Variants in GALNT13 observed in about 807,000 individuals in gnomAD.
The protein encoded by GALNT13 is UDP-GalNAc:polypeptide N-acetylgalactosaminyltransferase 13.
Under a neutral mutation model 64.2 loss-of-function variants are expected in GALNT13, and 28 were observed. That is an observed-to-expected ratio of 0.44 (90% CI 0.32 to 0.60). The LOEUF is 0.60. GALNT13 is among the 20% of genes least tolerant of loss of function. The pLI, the probability that GALNT13 is intolerant of heterozygous loss-of-function variation, is 0.05. For missense variants in GALNT13, 577 were observed against 669.8 expected (o/e 0.86, Z 1.53); for synonymous variants, 214 against 224.6 (o/e 0.95, Z 0.42).
chr2:153,331,474 G>T, the GALNT13 span, among the ~76,000 whole-genome samples: 1 of 152,018 alleles, frequency 6.6e-6, no homozygotes, highest in Non-Finnish European at 1.5e-5. Context: ...ATGATCACAA[G>T]GTTCCACAAT....
chr2:154,082,450 A>G (rs1330858752), intron 3 of GALNT13, among the ~76,000 whole-genome samples: 1 of 151,652 alleles, frequency 6.6e-6, no homozygotes, highest in Non-Finnish European at 1.5e-5. Context: ...TAGTGCTCCT[A>G]CTTTCTGAGT....
the GALNT13 span, among the ~76,000 whole-genome samples, chr2:153,829,278 A>G: frequency 1.3e-5 from 2 of 151,904 alleles, no homozygotes; most frequent in South Asian, 2.1e-4. Flanking sequence ...CTTTTTTCAC[A>G]CTGTGGATAA....
rs397872685 is a variant in GALNT13 at position 154,216,802 on chromosome 2, C to CTTT, written c.312-25205_312-25203dup. Among the ~76,000 whole-genome samples the CTTT allele has an allele frequency of 7.8e-3, 555 of 71,262 alleles. 3 individuals are homozygous for CTTT. The highest frequency in any genetic ancestry group is 0.021 in the East Asian group (39 of 1,866). 46.8% of individuals were successfully genotyped at this position (71,262 alleles called of 152,430 possible). A position where few individuals can be genotyped will look rare whatever the true frequency, so the allele number is the denominator to read the frequency against. On this transcript the variant is annotated intron_variant, in intron 4 of 12. Coordinates refer to ENST00000392825, the MANE Select transcript of GALNT13 (RefSeq NM_052917.4). Reference sequence around the variant, plus strand: ...TTCATTTACTTTCATTTCTCTCTCTCTTTTTTTTTTTTTTTTTTTTTTTTT... The same window carrying CTTT: ...TTCATTTACTTTCATTTCTCTCTCTCTTTTTTTTTTTTTTTTTTTTTTTTTTTT...
At chr2:153,488,465 G>C in the GALNT13 span, among the ~76,000 whole-genome samples, 1 of 152,202 alleles carries the variant, frequency 6.6e-6, no homozygotes, top group Non-Finnish European at 1.5e-5. Flanking sequence ...TATTTTTCAG[G>C]CTGCTGAGTG....
intron 11 of GALNT13, among the ~76,000 whole-genome samples, chr2:154,432,258 T>A (rs799767): frequency 6.6e-6 from 1 of 152,088 alleles, no homozygotes; most frequent in Non-Finnish European, 1.5e-5. Flanking sequence ...TTGGAAAGTA[T>A]AACTGGATGT....
intron 9 of GALNT13, among the ~76,000 whole-genome samples, chr2:154,333,615 T>C (rs1182556090): frequency 6.6e-6 from 1 of 152,242 alleles, no homozygotes; most frequent in Non-Finnish European, 1.5e-5. Context: ...CCCTATTTTA[T>C]ATTAATTTTT....
At chr2:154,232,607 T>C (rs1352515394) in intron 4 of GALNT13, among the ~76,000 whole-genome samples, 1 of 152,158 alleles carries the variant, frequency 6.6e-6, no homozygotes, top group Non-Finnish European at 1.5e-5. Flanking sequence ...TCTGAACTAG[T>C]AAAACACTGT....
the GALNT13 span, among the ~76,000 whole-genome samples, chr2:153,442,096 C>T: frequency 1.3e-5 from 2 of 152,054 alleles, no homozygotes; most frequent in Non-Finnish European, 2.9e-5. Context: ...TCATAAATAG[C>T]TCTTATTATT....
chr2:153,827,895 A>G, the GALNT13 span, among the ~76,000 whole-genome samples: 3 of 152,222 alleles, frequency 2.0e-5, no homozygotes, highest in South Asian at 6.2e-4. Flanking sequence ...GTGTACAGGC[A>G]TTGGGTAAAT....
At chr2:153,296,902 T>A in the GALNT13 span, among the ~76,000 whole-genome samples, 665 of 152,308 alleles carry the variant, frequency 4.4e-3, 5 homozygotes, top group African/African-American at 0.014. Flanking sequence ...AACCAAGCAG[T>A]CATGATGTTT....
At chr2:153,173,843 C>T in the GALNT13 span, among the ~76,000 whole-genome samples, 1 of 152,082 alleles carries the variant, frequency 6.6e-6, no homozygotes, top group Non-Finnish European at 1.5e-5. Context: ...TATTATTTAT[C>T]CTGAGGAAAA....
Position 154,140,356 on chromosome 2 carries a change from A to G in GALNT13, c.162A>G (p.Gln54=), listed in dbSNP as rs756231917. ...TTACAGCTGTTATTTCAAGAAACCA[A>G]GAAGGGCCAGGAGAAATGGGAAAAG... ...PALRAVISRN[Q]EGPGEMGKAV... The change falls in exon 4 of 13, where the codon CAA becomes CAG. Residue 54 remains glutamine (Q), a synonymous_variant. Coordinates refer to ENST00000392825, the MANE Select transcript of GALNT13 (RefSeq NM_052917.4). 4.9e-5 allele frequency: 79 copies of G among 1,612,620 alleles called. No individual in the cohort carries two copies. Among genetic ancestry groups the G allele is most frequent in the Non-Finnish European group, 6.4e-5 (76 of 1,179,064 alleles).
chr2:154,449,543 C>A (rs1238886050), intron 12 of GALNT13, among the ~76,000 whole-genome samples: 4 of 149,562 alleles, frequency 2.7e-5, no homozygotes, highest in Non-Finnish European at 5.9e-5. Context: ...CTCATACATT[C>A]AAATACTTCG....
At chr2:153,422,574 G>A in the GALNT13 span, among the ~76,000 whole-genome samples, 7 of 152,046 alleles carry the variant, frequency 4.6e-5, no homozygotes, top group Non-Finnish European at 8.8e-5. Context: ...TACAGAAACA[G>A]TAGAGTAAAA....
chr2:154,431,471 T>C (rs1056327785), intron 11 of GALNT13, among the ~76,000 whole-genome samples: 3 of 152,230 alleles, frequency 2.0e-5, no homozygotes, highest in African/African-American at 7.2e-5. Flanking sequence ...AGTCTTTCAT[T>C]ATATAAAATT....
the GALNT13 span, among the ~76,000 whole-genome samples, chr2:153,304,532 CCTCATGGGGA>C: frequency 6.6e-6 from 1 of 152,120 alleles, no homozygotes; most frequent in Non-Finnish European, 1.5e-5. Flanking sequence ...CTCACAGCAG[CCTCATGGGGA>C]CTAGAACCAC....
the GALNT13 span, among the ~76,000 whole-genome samples, chr2:153,426,193 A>T: frequency 6.6e-6 from 1 of 151,876 alleles, no homozygotes; most frequent in Admixed American, 6.6e-5. Context: ...ATTAATCAGC[A>T]TTGGAGATTG....
At chr2:154,398,985 G>A (rs1463889620) in intron 10 of GALNT13, among the ~76,000 whole-genome samples, 1 of 152,300 alleles carries the variant, frequency 6.6e-6, no homozygotes, top group African/African-American at 2.4e-5. Flanking sequence ...TGGCCTATAG[G>A]TCACACAGCT....
chr2:153,411,503 A>G, the GALNT13 span, among the ~76,000 whole-genome samples: 2 of 152,186 alleles, frequency 1.3e-5, no homozygotes, highest in Non-Finnish European at 2.9e-5. Flanking sequence ...GGGAAGATGT[A>G]TGCATGAGAA....
Sources: gnomAD v4.1 joint callset for allele counts (sites outside exome capture counted in the v4.1 genomes callset) on GRCh38, gnomAD v4.1.1 for gene constraint, MANE v1.5 for transcripts, NCBI Gene and HGNC (gene_info 2026-07-23, HGNC 2026-07-21) for gene names.